Variants in EPHA6 observed in about 807,000 individuals in gnomAD.
EPHA6 encodes the protein EPH receptor A6.
Under a neutral mutation model 112.0 loss-of-function variants are expected in EPHA6, and 50 were observed. The ratio of observed to expected loss-of-function variants is 0.45; its 90% CI spans 0.36 to 0.56. The LOEUF is 0.56. Among genes scored for constraint, EPHA6 ranks in the 20% least tolerant of loss-of-function variants. The pLI is 0.00. For synonymous variants in EPHA6, 529 were observed against 490.7 expected, an observed-to-expected ratio of 1.08 and a Z score of -1.03; for missense variants, 1,280 against 1,417.4, an observed-to-expected ratio of 0.90 and a Z score of 1.56.
At chr3:97,464,502 A>C (rs2090991910) in intron 7 of EPHA6, among the ~76,000 whole-genome samples, 1 of 152,110 alleles carries the variant, frequency 6.6e-6, no homozygotes, top group African/African-American at 2.4e-5. Flanking sequence ...TATTTTTGCA[A>C]AAGTAAAAAT....
At chr3:97,540,582 C>T (rs557735556) in intron 11 of EPHA6, among the ~76,000 whole-genome samples, 2 of 152,276 alleles carry the variant, frequency 1.3e-5, no homozygotes, top group South Asian at 4.1e-4. Context: ...TACCTCTAAC[C>T]TATTCCCTAG....
At chr3:97,629,689 A>T (rs2093887462) in intron 13 of EPHA6, among the ~76,000 whole-genome samples, 1 of 151,978 alleles carries the variant, frequency 6.6e-6, no homozygotes, top group Non-Finnish European at 1.5e-5. Flanking sequence ...CATTTATGAG[A>T]TATTGGATTT....
At chr3:97,228,291 T>C (rs1037739940) in intron 4 of EPHA6, among the ~76,000 whole-genome samples, 5 of 152,142 alleles carry the variant, frequency 3.3e-5, no homozygotes, top group African/African-American at 4.8e-5. Context: ...CTGTACTCAA[T>C]GTGTAGTCTT....
At chr3:97,039,483 C>G (rs1346140174) in intron 3 of EPHA6, among the ~76,000 whole-genome samples, 2 of 151,180 alleles carry the variant, frequency 1.3e-5, no homozygotes, top group Non-Finnish European at 2.9e-5. Flanking sequence ...AGTAAATTAG[C>G]ATCCATAGAA....
At chr3:97,418,909 T>C (rs2088362361) in intron 6 of EPHA6, among the ~76,000 whole-genome samples, 1 of 152,046 alleles carries the variant, frequency 6.6e-6, no homozygotes. Context: ...TAGCATAGAG[T>C]GTGGCATCCA....
chr3:97,235,232 C>T (rs1490408631), intron 4 of EPHA6, among the ~76,000 whole-genome samples: 4 of 152,144 alleles, frequency 2.6e-5, no homozygotes, highest in East Asian at 3.9e-4. Flanking sequence ...ATTCTGTCCA[C>T]AAGAGACTAC....
At chr3:97,626,901 T>C (rs185918503) in intron 13 of EPHA6, among the ~76,000 whole-genome samples, 1 of 151,974 alleles carries the variant, frequency 6.6e-6, no homozygotes, top group East Asian at 1.9e-4. Context: ...TGAGGCAGTT[T>C]TAGAAATGAC....
At chr3:97,124,299 C>T (rs1009317035) in intron 3 of EPHA6, among the ~76,000 whole-genome samples, 2 of 151,360 alleles carry the variant, frequency 1.3e-5, no homozygotes, top group Non-Finnish European at 2.9e-5. Context: ...TGATCATCAC[C>T]GAGAGGAAAC....
At chr3:97,310,261 G>A (rs1226952357) in intron 5 of EPHA6, among the ~76,000 whole-genome samples, 3 of 151,512 alleles carry the variant, frequency 2.0e-5, no homozygotes, top group African/African-American at 7.3e-5. Flanking sequence ...TCTTACAGAG[G>A]ATTTGCTGGC....
At chr3:97,619,108 A>G (rs892583907) in intron 13 of EPHA6, among the ~76,000 whole-genome samples, 2 of 152,174 alleles carry the variant, frequency 1.3e-5, no homozygotes, top group Non-Finnish European at 2.9e-5. Context: ...AGATTGGTTC[A>G]ACATATGTAA....
At chr3:97,092,494 C>T (rs988162176) in intron 3 of EPHA6, among the ~76,000 whole-genome samples, 18 of 151,894 alleles carry the variant, frequency 1.2e-4, no homozygotes, top group African/African-American at 4.4e-4. Context: ...CCTCAAATAC[C>T]AGTTTTGAGG....
chr3:97,411,680 G>T (rs1427790767), intron 6 of EPHA6, among the ~76,000 whole-genome samples: 5 of 151,940 alleles, frequency 3.3e-5, no homozygotes, highest in African/African-American at 9.7e-5. Context: ...CATGACTGAG[G>T]TCCTTATAAA....
intron 3 of EPHA6, among the ~76,000 whole-genome samples, chr3:97,150,717 T>C (rs2076151469): frequency 6.6e-6 from 1 of 152,118 alleles, no homozygotes; most frequent in South Asian, 2.1e-4. Flanking sequence ...TTGAAAGCAG[T>C]ATAAATCTCA....
chr3:97,673,086 G>T (rs1289971905), intron 14 of EPHA6, among the ~76,000 whole-genome samples: 1 of 152,128 alleles, frequency 6.6e-6, no homozygotes, highest in African/African-American at 2.4e-5. Context: ...ATAGAACTCT[G>T]TAGAGAATTC....
chr3:97,721,449 T>C (rs930942508), intron 15 of EPHA6, among the ~76,000 whole-genome samples: 4 of 152,190 alleles, frequency 2.6e-5, no homozygotes, highest in South Asian at 4.1e-4. Context: ...CTCCCTGCCA[T>C]ACAGTACTGC....
intron 11 of EPHA6, among the ~76,000 whole-genome samples, chr3:97,554,233 T>A (rs2093070610): frequency 6.6e-6 from 1 of 152,150 alleles, no homozygotes; most frequent in African/African-American, 2.4e-5. Context: ...GCTGTTAAAA[T>A]TATTATTAAA....
intron 1 of EPHA6, among the ~76,000 whole-genome samples, chr3:96,830,108 A>G (rs558404196): frequency 6.6e-6 from 1 of 152,088 alleles, no homozygotes; most frequent in Non-Finnish European, 1.5e-5. Context: ...AATTTAAAGT[A>G]TGTGTACATT....
intron 15 of EPHA6, among the ~76,000 whole-genome samples, chr3:97,726,315 C>A (rs1337046276): frequency 1.3e-5 from 2 of 152,060 alleles, no homozygotes; most frequent in Non-Finnish European, 2.9e-5. Flanking sequence ...GTCTTCACAC[C>A]ACAGTTCTAC....
At chr3:96,898,898 C>G (rs909843165) in intron 2 of EPHA6, among the ~76,000 whole-genome samples, 5 of 151,540 alleles carry the variant, frequency 3.3e-5, no homozygotes, top group South Asian at 2.1e-4. Context: ...CATGGTGGCG[C>G]GCGCCTGTAG....
Sources: allele counts gnomAD v4.1 joint callset (sites outside exome capture counted in the v4.1 genomes callset), GRCh38; gene constraint gnomAD v4.1.1; transcripts MANE v1.5; gene names NCBI Gene and HGNC (gene_info 2026-07-23, HGNC 2026-07-21).